RBFOX1: variants seen among roughly 807,000 people sequenced by gnomAD.
RBFOX1 encodes RNA binding protein fox-1 homolog 1.
Under a neutral mutation model 57.7 loss-of-function variants are expected in RBFOX1, and 8 were observed. That is an observed-to-expected ratio of 0.14 (90% CI 0.08 to 0.25). The LOEUF (loss-of-function observed/expected upper bound fraction) is 0.25. Ranked by LOEUF, RBFOX1 falls within the 10% of genes least tolerant of loss-of-function variation. The pLI is 1.00. For missense variants in RBFOX1, 611 were observed against 548.5 expected (o/e 1.11, Z -1.14); for synonymous variants, 326 against 222.4 (o/e 1.47, Z -4.15).
chr16:5,816,176 C>G (rs548388686), intron 3 of RBFOX1, among the ~76,000 whole-genome samples: 1 of 152,196 alleles, frequency 6.6e-6, no homozygotes, highest in Non-Finnish European at 1.5e-5. Flanking sequence ...AGATGCTCCT[C>G]ATCCTTCATC....
intron 3 of RBFOX1, among the ~76,000 whole-genome samples, chr16:6,758,627 A>T (rs965534711): frequency 1.3e-5 from 2 of 152,196 alleles, no homozygotes; most frequent in African/African-American, 2.4e-5. Context: ...CAAATATTTT[A>T]TGCCTAAGAC....
At chr16:7,208,905 C>T (rs77201964) in intron 4 of RBFOX1, among the ~76,000 whole-genome samples, 1 of 152,044 alleles carries the variant, frequency 6.6e-6, no homozygotes, top group Non-Finnish European at 1.5e-5. Context: ...CAAGAATTCA[C>T]TCACCCTCTA....
At chr16:7,293,097 G>A (rs1435127866) in intron 4 of RBFOX1, among the ~76,000 whole-genome samples, 1 of 152,154 alleles carries the variant, frequency 6.6e-6, no homozygotes, top group East Asian at 1.9e-4. Flanking sequence ...GGATGTGATA[G>A]ATACCGTTGA....
intron 1 of RBFOX1, among the ~76,000 whole-genome samples, chr16:5,459,118 C>G (rs1223468506): frequency 6.6e-6 from 1 of 152,200 alleles, no homozygotes; most frequent in Admixed American, 6.5e-5. Context: ...CTCTCAGAGT[C>G]TCTGGTGAAC....
intron 3 of RBFOX1, among the ~76,000 whole-genome samples, chr16:6,950,734 A>C (rs1325423014): frequency 6.6e-6 from 1 of 152,090 alleles, no homozygotes; most frequent in African/African-American, 2.4e-5. Flanking sequence ...GAAAGGGAGG[A>C]GATTTGCGGC....
At chr16:7,243,945 C>G (rs2094178621) in intron 4 of RBFOX1, among the ~76,000 whole-genome samples, 1 of 149,834 alleles carries the variant, frequency 6.7e-6, no homozygotes, top group African/African-American at 2.5e-5. Context: ...CATTAAACCT[C>G]TGAAGTCACA....
chr16:6,163,605 G>A (rs2096895037), intron 1 of RBFOX1, among the ~76,000 whole-genome samples: 1 of 152,186 alleles, frequency 6.6e-6, no homozygotes, highest in Non-Finnish European at 1.5e-5. Flanking sequence ...GTAAGCCTGA[G>A]AAGTCTCTTG....
chr16:6,194,029 T>C (rs142116789), intron 1 of RBFOX1, among the ~76,000 whole-genome samples: 459 of 152,316 alleles, frequency 3.0e-3, no homozygotes, highest in African/African-American at 0.011. Context: ...TAGAATCTCA[T>C]TCCTGTATAC....
intron 3 of RBFOX1, among the ~76,000 whole-genome samples, chr16:6,886,763 AAAAAC>A (rs746075832): frequency 1.3e-3 from 53 of 42,250 alleles, no homozygotes; most frequent in Middle Eastern, 0.012. Flanking sequence ...TGAAAAAAAC[AAAAAC>A]AAAACAAAAC....
intron 1 of RBFOX1, among the ~76,000 whole-genome samples, chr16:5,465,419 C>T (rs964453676): frequency 6.6e-6 from 1 of 152,110 alleles, no homozygotes; most frequent in Non-Finnish European, 1.5e-5. Flanking sequence ...GTTCAGAAGT[C>T]CTAGATTTGG....
In RBFOX1 at chr16:5,946,029, AG is replaced by A. The variant is rs2059393680; in HGVS notation, c.351+78695del. Among the ~76,000 whole-genome samples the A allele has an allele frequency of 6.6e-6, 1 of 152,216 alleles. No homozygotes were observed. Among genetic ancestry groups the A allele is most frequent in the Non-Finnish European group, 1.5e-5 (1 of 68,036 alleles). On this transcript the variant is annotated intron_variant, in intron 4 of 19. Transcript: ENST00000641259. This position sits in a 1 kb window ranked among gnomAD's most constrained non-coding sequence, Gnocchi z 4.6. ...TCCACATTGGGTTTAAAAAGAGAAA[AG>A]AAGTCTGCTTTGTTTGCTAGTAAAG...
chr16:5,842,004 A>C (rs1473788937), intron 3 of RBFOX1, among the ~76,000 whole-genome samples: 3 of 152,168 alleles, frequency 2.0e-5, no homozygotes, highest in Non-Finnish European at 4.4e-5. Context: ...CCCCATCCTC[A>C]TCCTCCTCTC....
intron 13 of RBFOX1, among the ~76,000 whole-genome samples, chr16:7,672,685 G>A (rs553629727): frequency 6.1e-4 from 93 of 151,718 alleles, no homozygotes; most frequent in African/African-American, 2.2e-3. Context: ...CCAGGCCTAT[G>A]TATCAAAACC....
intron 3 of RBFOX1, among the ~76,000 whole-genome samples, chr16:6,771,184 G>C (rs1459431414): frequency 6.6e-6 from 1 of 152,170 alleles, no homozygotes; most frequent in Non-Finnish European, 1.5e-5. Context: ...GCCAAGGAAA[G>C]AGGCTTCAGA....
chr16:6,480,671 A>T (rs2095358667), intron 2 of RBFOX1, among the ~76,000 whole-genome samples: 2 of 152,172 alleles, frequency 1.3e-5, no homozygotes, highest in African/African-American at 4.8e-5. Flanking sequence ...GAAAACCTAT[A>T]ATATTATATT....
intron 4 of RBFOX1, among the ~76,000 whole-genome samples, chr16:7,111,571 CTG>C (rs1028765255): frequency 3.2e-4 from 49 of 152,134 alleles, no homozygotes; most frequent in African/African-American, 1.2e-3. Flanking sequence ...TCAGCTTATC[CTG>C]TGTGTTTTAA....
At chr16:6,750,507 G>A (rs998971636) in intron 3 of RBFOX1, among the ~76,000 whole-genome samples, 2 of 152,142 alleles carry the variant, frequency 1.3e-5, no homozygotes, top group Non-Finnish European at 2.9e-5. Context: ...TTCTTGATAC[G>A]CTGTTAACAG....
intron 3 of RBFOX1, among the ~76,000 whole-genome samples, chr16:6,814,246 GT>G (rs2089516420): frequency 6.9e-6 from 1 of 143,974 alleles, no homozygotes; most frequent in Non-Finnish European, 1.5e-5. Flanking sequence ...AGAGAAAATT[GT>G]GGTGGGGGGG....
intron 2 of RBFOX1, among the ~76,000 whole-genome samples, chr16:5,515,834 G>C (rs950167678): frequency 6.6e-6 from 1 of 152,170 alleles, no homozygotes; most frequent in African/African-American, 2.4e-5. Context: ...GGCTCCCTAA[G>C]TAGATTCTGA....
Sources: gnomAD v4.1 joint callset for allele counts (sites outside exome capture counted in the v4.1 genomes callset) on GRCh38, gnomAD v4.1.1 for gene constraint, Gnocchi (gnomAD v3.1) non-coding constraint, MANE v1.5 for transcripts, NCBI Gene and HGNC (gene_info 2026-07-23, HGNC 2026-07-21) for gene names.